The following DNAH6 variants were observed in gnomAD, a reference collection of about 807,000 sequenced individuals.
DNAH6 encodes dynein axonemal heavy chain 6, also known as axonemal beta dynein heavy chain 6.
DNAH6 carries 340 observed loss-of-function variants against 491.4 expected under a neutral mutation model. That is an observed-to-expected ratio of 0.69 (90% CI 0.63 to 0.76). The LOEUF (loss-of-function observed/expected upper bound fraction) is 0.76, where lower values mean the gene tolerates loss of function less well. Among genes scored for constraint, DNAH6 ranks in the 30% least tolerant of loss-of-function variants. DNAH6 has a pLI of 0.00. For missense variants in DNAH6, 4,443 were observed against 4,972.2 expected, an observed-to-expected ratio of 0.89 and a Z score of 3.20; for synonymous variants, 1,603 against 1,686.1, an observed-to-expected ratio of 0.95 and a Z score of 1.21.
Position 84,707,681 on chromosome 2 carries a change from T to C in DNAH6, c.9013T>C (p.Tyr3005His), listed in dbSNP as rs1409940800. The C allele has an allele frequency of 1.3e-6, 2 of 1,552,208 alleles. No homozygotes were observed. Among genetic ancestry groups the C allele is most frequent in the African/African-American group, 2.7e-5 (2 of 73,044 alleles). ...GTTCATAGCAGCAGCTTGTGTGGCC[T>C]ACTATGGGGCTTTCACAGCCCAGTA... Reference protein sequence around the residue: ...NVFIAAACVAYYGAFTAQYRQ... With the variant: ...NVFIAAACVAHYGAFTAQYRQ... The change falls in exon 54 of 77, where the codon TAC (tyrosine) becomes CAC (histidine). Residue 3005 changes from tyrosine to histidine, a missense_variant. Physicochemically the swap from Tyr to His is moderately conservative, Grantham distance 83 (BLOSUM62 2). This residue lies in a region of DNAH6 where 1,463 missense variants were observed against 1,656.6 expected (regional missense o/e 0.88). Coordinates refer to ENST00000389394, the MANE Select transcript of DNAH6 (RefSeq NM_001370.2).
At position 84,808,382 on chromosome 2, in the gene DNAH6, G is replaced by T. The variant is rs371161266; in HGVS notation, c.11612-33G>T. ...AATATTGTGAGAACAAATCAATGGTGACTGGCCTGAGGAATCGCTGTGTAT... is the reference window on the plus strand; with the variant it reads ...AATATTGTGAGAACAAATCAATGGTTACTGGCCTGAGGAATCGCTGTGTAT... On this transcript the variant is annotated intron_variant, in intron 71 of 76. Coordinates refer to ENST00000389394, the MANE Select transcript of DNAH6 (RefSeq NM_001370.2). 4.9e-5 allele frequency: 73 copies of T among 1,485,442 alleles called. No individual in the cohort carries two copies. In the African/African-American group the frequency reaches 9.4e-4, roughly 19 times the overall value. 92.0% of individuals were successfully genotyped at this position (1,485,442 alleles called of 1,614,324 possible). A position where few individuals can be genotyped will look rare whatever the true frequency, so the allele number is the denominator to read the frequency against.
chr2:84,605,297 G>A (rs1685648228), intron 19 of DNAH6, among the ~76,000 whole-genome samples: 1 of 148,620 alleles, frequency 6.7e-6, no homozygotes, highest in African/African-American at 2.5e-5. Context: ...AGCTTGCAGT[G>A]AGCCGAGGTT....
intron 5 of DNAH6, among the ~76,000 whole-genome samples, chr2:84,545,182 A>C (rs978642374): frequency 5.3e-5 from 8 of 152,144 alleles, no homozygotes; most frequent in Admixed American, 5.2e-4. Flanking sequence ...GCTTTTTACT[A>C]GTCATTTCCT....
intron 62 of DNAH6, among the ~76,000 whole-genome samples, chr2:84,738,641 A>G (rs1672228119): frequency 6.6e-6 from 1 of 152,076 alleles, no homozygotes; most frequent in Non-Finnish European, 1.5e-5. Context: ...AAATTCTGAT[A>G]TAAGAACAGT....
At chr2:84,731,510 T>G (rs1699112512) in intron 61 of DNAH6, among the ~76,000 whole-genome samples, 1 of 152,180 alleles carries the variant, frequency 6.6e-6, no homozygotes, top group African/African-American at 2.4e-5. Flanking sequence ...CGTACTCAGC[T>G]CCTAGAACTG....
intron 42 of DNAH6, among the ~76,000 whole-genome samples, chr2:84,683,096 G>A (rs1455587152): frequency 6.6e-6 from 1 of 152,060 alleles, no homozygotes; most frequent in East Asian, 1.9e-4. Flanking sequence ...CTGCTCAAAT[G>A]TCACCTTCTC....
At chr2:84,537,947 A>G (rs1486373753) in intron 4 of DNAH6, among the ~76,000 whole-genome samples, 1 of 152,108 alleles carries the variant, frequency 6.6e-6, no homozygotes, top group Admixed American at 6.6e-5. Flanking sequence ...TAGTATTAAC[A>G]CCAACTATAG....
chr2:84,554,303 A>G (rs576462581), intron 10 of DNAH6, among the ~76,000 whole-genome samples: 17 of 152,292 alleles, frequency 1.1e-4, no homozygotes, highest in South Asian at 4.1e-4. Context: ...TAACCTAATC[A>G]TGGGACTGGC....
At chr2:84,747,800 A>T (rs1011962550) in intron 63 of DNAH6, among the ~76,000 whole-genome samples, 4 of 152,130 alleles carry the variant, frequency 2.6e-5, no homozygotes, top group African/African-American at 9.7e-5. Context: ...CATTTTTCCA[A>T]TATAAAATCT....
the DNAH6 span, among the ~76,000 whole-genome samples, chr2:84,505,860 C>T: frequency 2.0e-5 from 3 of 152,276 alleles, no homozygotes; most frequent in Admixed American, 2.0e-4. Context: ...TTTCCAGCTT[C>T]ATCCATGTCC....
Position 84,707,546 on chromosome 2 carries a change from C to A in DNAH6, c.8878C>A (p.Arg2960Ser). 1 of 1,551,746 alleles carries A rather than the reference C, an allele frequency of 6.4e-7. No individual in the cohort carries two copies. Among genetic ancestry groups the A allele is most frequent in the Non-Finnish European group, 8.7e-7 (1 of 1,146,948 alleles). The change falls in exon 54 of 77, where the codon CGT (arginine) becomes AGT (serine). Residue 2960 changes from arginine (R) to serine (S), a missense_variant. Arg to Ser is a moderately radical substitution (Grantham distance 110, BLOSUM62 -1). This residue lies in a region of DNAH6 where 1,463 missense variants were observed against 1,656.6 expected (regional missense o/e 0.88). Transcript: ENST00000389394. ...AAAGACCATGGCCCTGACAAAAGCA[C>A]GTCTAGTACGTGCTGGAAAGCTGAC... The part of the protein sequence containing the change: ...LAKTMALTKA[R>S]LVRAGKLTAA...
At position 84,624,292 on chromosome 2, in the gene DNAH6, C is replaced by T. The variant is rs1687654561; in HGVS notation, c.4099C>T (p.Gln1367Ter). 3 of 1,550,422 alleles carry T rather than the reference C, an allele frequency of 1.9e-6. No homozygotes were observed. The highest frequency in any genetic ancestry group is 2.7e-5 in the African/African-American group (2 of 72,984). The change falls in exon 27 of 77, where the codon CAA (glutamine) becomes TAA (stop). Residue 1367 changes from glutamine (Q) to a stop codon, truncating the protein, a stop_gained. Transcript: ENST00000389394. LOFTEE classifies it high-confidence loss of function. ...ATTAAATGCCCTAGCTGCAATAGTT[C>T]AAGGCAGTCTTCCTAAATTACACAG... ...ERLNALAAIV[Q>*]GSLPKLHRNI...
chr2:84,491,398 A>G, the DNAH6 span, among the ~76,000 whole-genome samples: 1 of 152,132 alleles, frequency 6.6e-6, no homozygotes, highest in Non-Finnish European at 1.5e-5. Flanking sequence ...GGGAGTGGCC[A>G]TGAGCCCAGG....
chr2:84,685,283 A>C, intron 42 of DNAH6, 43 bp from the exon 43 acceptor site: 1 of 1,339,282 alleles, frequency 7.5e-7, no homozygotes, highest in Non-Finnish European at 1.0e-6. Context: ...GATTCTACAA[A>C]TGTAGAATTT....
At chr2:84,510,114 G>A in the DNAH6 span, among the ~76,000 whole-genome samples, 3 of 152,136 alleles carry the variant, frequency 2.0e-5, no homozygotes, top group Non-Finnish European at 2.9e-5. Flanking sequence ...GAATTTGAAT[G>A]TTGGCCTGCC....
At chr2:84,588,495 C>T (rs1035454283) in intron 15 of DNAH6, among the ~76,000 whole-genome samples, 4 of 152,168 alleles carry the variant, frequency 2.6e-5, no homozygotes, top group Non-Finnish European at 5.9e-5. Context: ...TATCATATCC[C>T]CTTCCTTCTC....
chr2:84,615,815 G>A (rs576677843), intron 22 of DNAH6, among the ~76,000 whole-genome samples: 4 of 151,766 alleles, frequency 2.6e-5, no homozygotes, highest in Admixed American at 6.6e-5. Flanking sequence ...TGCAGCTATT[G>A]TAAAAGGGGT....
At chr2:84,716,439 T>C (rs754899616) in intron 58 of DNAH6, among the ~76,000 whole-genome samples, 84 of 152,066 alleles carry the variant, frequency 5.5e-4, no homozygotes, top group Non-Finnish European at 1.9e-4. Flanking sequence ...AGAAACATAA[T>C]TTAGACCCAT....
the DNAH6 span, among the ~76,000 whole-genome samples, chr2:84,508,590 A>G: frequency 6.6e-6 from 1 of 151,824 alleles, no homozygotes; most frequent in Non-Finnish European, 1.5e-5. Flanking sequence ...GATCTTAGTT[A>G]TTTCTTGCCT....
Sources: allele counts gnomAD v4.1 joint callset (sites outside exome capture counted in the v4.1 genomes callset), GRCh38; gene constraint gnomAD v4.1.1; regional missense constraint gnomAD v4.1.1; transcripts MANE v1.5; gene names NCBI Gene and HGNC (gene_info 2026-07-23, HGNC 2026-07-21).